The following PTPRT variants were observed in gnomAD, a reference collection of about 807,000 sequenced individuals.
The protein encoded by PTPRT is protein tyrosine phosphatase receptor type T, also known as receptor-type tyrosine-protein phosphatase T.
Under a neutral mutation model 176.8 loss-of-function variants are expected in PTPRT, and 56 were observed. The ratio of observed to expected loss-of-function variants is 0.32; its 90% CI spans 0.26 to 0.40. PTPRT has a LOEUF of 0.40. Among genes scored for constraint, PTPRT ranks in the 10% least tolerant of loss-of-function variants. PTPRT has a pLI of 1.00. For missense variants in PTPRT, 1,540 were observed against 1,908.2 expected (o/e 0.81, Z 3.60); for synonymous variants, 783 against 739.0 (o/e 1.06, Z -0.96).
chr20:42,322,762 A>G (rs1471129053), intron 11 of PTPRT, among the ~76,000 whole-genome samples: 1 of 152,038 alleles, frequency 6.6e-6, no homozygotes, highest in East Asian at 1.9e-4. Context: ...GGCAAATGGG[A>G]TCTAATTAAA....
intron 15 of PTPRT, among the ~76,000 whole-genome samples, chr20:42,207,314 G>C (rs6030051): frequency 0.29 from 44,503 of 151,222 alleles, 9,023 homozygotes; most frequent in African/African-American, 0.57. Flanking sequence ...CGAGCTGAGA[G>C]AAGAAGGCTT....
intron 1 of PTPRT, among the ~76,000 whole-genome samples, chr20:42,986,378 T>C (rs985514716): frequency 2.0e-5 from 3 of 152,132 alleles, no homozygotes; most frequent in African/African-American, 7.2e-5. Flanking sequence ...ACCTGTCCAT[T>C]TTAGGACGAC....
At chr20:42,417,282 A>G (rs544522457) in intron 9 of PTPRT, among the ~76,000 whole-genome samples, 2 of 152,290 alleles carry the variant, frequency 1.3e-5, no homozygotes, top group South Asian at 4.1e-4. Context: ...GGCAGACAAA[A>G]TAACCCCGCA....
chr20:42,718,498 C>T (rs2076259689), intron 6 of PTPRT, among the ~76,000 whole-genome samples: 1 of 152,138 alleles, frequency 6.6e-6, no homozygotes, highest in South Asian at 2.1e-4. Context: ...GATTGCGCCA[C>T]TGCACTCCAG....
chr20:42,731,188 C>T (rs1428288952), intron 6 of PTPRT, among the ~76,000 whole-genome samples: 9 of 152,192 alleles, frequency 5.9e-5, no homozygotes, highest in Non-Finnish European at 1.0e-4. Flanking sequence ...CTCTATGGTT[C>T]CACGAGCCAG....
At chr20:42,184,890 C>T (rs1990710433) in intron 16 of PTPRT, among the ~76,000 whole-genome samples, 1 of 151,428 alleles carries the variant, frequency 6.6e-6, no homozygotes, top group East Asian at 2.0e-4. Context: ...CCCACCTTGG[C>T]CTCCCAAAAT....
chr20:42,056,327 T>C, the PTPRT span, among the ~76,000 whole-genome samples: 1 of 152,170 alleles, frequency 6.6e-6, no homozygotes, highest in Non-Finnish European at 1.5e-5. Context: ...TGGAAAAATA[T>C]ATATATTTGG....
At position 42,217,138 on chromosome 20, in the gene PTPRT, C is replaced by T. The variant is rs150993359; in HGVS notation, c.2343-17750G>A. Among the ~76,000 whole-genome samples the T allele has an allele frequency of 4.9e-3, 740 of 152,214 alleles. 7 individuals carry two copies. Among genetic ancestry groups the T allele is most frequent in the African/African-American group, 0.017 (719 of 41,528 alleles). On this transcript the variant is annotated intron_variant, in intron 15 of 30. Coordinates refer to ENST00000373187, the MANE Select transcript of PTPRT (RefSeq NM_007050.6). Reference sequence around the variant, plus strand: ...CCTGTAATCCCAGCATTTTAGGAGGCTGAGGCAGGTGGATCACCTGAGGAC... The same window carrying T: ...CCTGTAATCCCAGCATTTTAGGAGGTTGAGGCAGGTGGATCACCTGAGGAC...
chr20:42,217,552 C>T (rs1470774017), intron 15 of PTPRT, among the ~76,000 whole-genome samples: 1 of 152,126 alleles, frequency 6.6e-6, no homozygotes, highest in Non-Finnish European at 1.5e-5. Flanking sequence ...GGAAAATATA[C>T]ATGTATCATG....
chr20:43,089,077 T>C (rs1432965444), intron 1 of PTPRT, among the ~76,000 whole-genome samples: 1 of 152,200 alleles, frequency 6.6e-6, no homozygotes, highest in Non-Finnish European at 1.5e-5. Context: ...TGAAAGCTTA[T>C]TTGAGGGCCA....
At chr20:42,570,895 T>C (rs2073141395) in intron 7 of PTPRT, among the ~76,000 whole-genome samples, 1 of 142,292 alleles carries the variant, frequency 7.0e-6, no homozygotes, top group South Asian at 2.1e-4. Context: ...TTTTGCAGTG[T>C]AAGGCAACAT....
intron 14 of PTPRT, among the ~76,000 whole-genome samples, chr20:42,239,950 A>T (rs1408018032): frequency 6.6e-6 from 1 of 152,202 alleles, no homozygotes; most frequent in Non-Finnish European, 1.5e-5. Flanking sequence ...TCTTTGGACC[A>T]GTTGCAAGGC....
chr20:42,686,752 A>AG (rs2075702672), intron 6 of PTPRT, among the ~76,000 whole-genome samples: 1 of 151,880 alleles, frequency 6.6e-6, no homozygotes, highest in Non-Finnish European at 1.5e-5. Context: ...TCAGTGTCCC[A>AG]AAGTGCTGGG....
intron 2 of PTPRT, among the ~76,000 whole-genome samples, chr20:42,831,918 C>T (rs1478307709): frequency 6.6e-6 from 1 of 152,232 alleles, no homozygotes; most frequent in African/African-American, 2.4e-5. Flanking sequence ...AATGCTTGCA[C>T]ACCGTCGGTG....
At chr20:42,062,049 G>A in the PTPRT span, among the ~76,000 whole-genome samples, 1 of 152,180 alleles carries the variant, frequency 6.6e-6, no homozygotes, top group Non-Finnish European at 1.5e-5. Context: ...GCAGGTGAAG[G>A]GTCAGATGAT....
chr20:42,110,933 G>A (rs2146295261), intron 22 of PTPRT, among the ~76,000 whole-genome samples: 1 of 152,352 alleles, frequency 6.6e-6, no homozygotes, highest in African/African-American at 2.4e-5. Flanking sequence ...ATATTCTGTA[G>A]TGTTCCAGCC....
At chr20:42,714,123 C>A (rs1176408413) in intron 6 of PTPRT, among the ~76,000 whole-genome samples, 1 of 152,154 alleles carries the variant, frequency 6.6e-6, no homozygotes, top group Non-Finnish European at 1.5e-5. Context: ...GCACCTTGCC[C>A]TCTCAGAGCC....
chr20:43,087,629 G>C (rs2011650880), intron 1 of PTPRT, among the ~76,000 whole-genome samples: 1 of 152,114 alleles, frequency 6.6e-6, no homozygotes, highest in Non-Finnish European at 1.5e-5. Context: ...CTCCCAAAGT[G>C]CTGGGTTTAC....
intron 1 of PTPRT, among the ~76,000 whole-genome samples, chr20:42,932,210 T>C (rs945390494): frequency 3.3e-5 from 5 of 152,180 alleles, no homozygotes; most frequent in Admixed American, 1.3e-4. Flanking sequence ...GTTAGAACTG[T>C]GGATCAGGGC....
Sources: allele counts gnomAD v4.1 joint callset (sites outside exome capture counted in the v4.1 genomes callset), GRCh38; gene constraint gnomAD v4.1.1; transcripts MANE v1.5; gene names NCBI Gene and HGNC (gene_info 2026-07-23, HGNC 2026-07-21).